The following GAB2 variants were observed in gnomAD, a reference collection of about 807,000 sequenced individuals.
The protein encoded by GAB2 is GRB2-associated-binding protein 2.
GAB2 carries 26 observed loss-of-function variants against 65.5 expected under a neutral mutation model. The observed-to-expected ratio is 0.40, with a 90% CI of 0.29 to 0.55. The LOEUF is 0.55. Ranked by LOEUF, GAB2 falls within the 20% of genes least tolerant of loss-of-function variation. The pLI, the probability that GAB2 is intolerant of heterozygous loss-of-function variation, is 0.53. For synonymous variants in GAB2, 321 were observed against 329.6 expected, an observed-to-expected ratio of 0.97 and a Z score of 0.28; for missense variants, 884 against 875.8, an observed-to-expected ratio of 1.01 and a Z score of -0.12.
At chr11:78,416,343 GCAA>G (rs1031149129) in intron 1 of GAB2, among the ~76,000 whole-genome samples, 3 of 152,060 alleles carry the variant, frequency 2.0e-5, no homozygotes, top group South Asian at 2.1e-4. Context: ...CTTGTACTCC[GCAA>G]CAACAACACT....
At chr11:78,339,926 C>T (rs1856065358) in intron 1 of GAB2, among the ~76,000 whole-genome samples, 1 of 152,244 alleles carries the variant, frequency 6.6e-6, no homozygotes. Context: ...GAACAATCAG[C>T]TCCAATGAAT....
At chr11:78,270,624 T>A (rs1325686956) in intron 2 of GAB2, among the ~76,000 whole-genome samples, 1 of 152,208 alleles carries the variant, frequency 6.6e-6, no homozygotes, top group Non-Finnish European at 1.5e-5. Context: ...CTATCTCACT[T>A]TGTTTCCTCA....
At chr11:78,345,333 T>C (rs1035533986) in intron 1 of GAB2, among the ~76,000 whole-genome samples, 1 of 152,064 alleles carries the variant, frequency 6.6e-6, no homozygotes, top group Non-Finnish European at 1.5e-5. Flanking sequence ...ACTGGGCAAA[T>C]AGATGAAACT....
chr11:78,227,471 G>T (rs1273910860), intron 3 of GAB2, among the ~76,000 whole-genome samples: 1 of 152,072 alleles, frequency 6.6e-6, no homozygotes, highest in African/African-American at 2.4e-5. Flanking sequence ...ACTAGCCCAT[G>T]GGTATTGATG....
chr11:78,370,023 C>G (rs1369028178), intron 1 of GAB2, among the ~76,000 whole-genome samples: 6 of 151,782 alleles, frequency 4.0e-5, no homozygotes, highest in Non-Finnish European at 7.4e-5. Context: ...TTTGGGAGGC[C>G]GAGGCGGGCG....
chr11:78,396,396 A>G (rs1856895156), intron 1 of GAB2, among the ~76,000 whole-genome samples: 1 of 152,252 alleles, frequency 6.6e-6, no homozygotes, highest in Admixed American at 6.5e-5. Context: ...GTTTTCATAT[A>G]TAATTGTGGG....
At chr11:78,350,514 C>CA (rs1484716099) in intron 1 of GAB2, among the ~76,000 whole-genome samples, 4 of 152,178 alleles carry the variant, frequency 2.6e-5, no homozygotes. Flanking sequence ...CCTCAGAAAC[C>CA]AAGTTTCACT....
intron 1 of GAB2, among the ~76,000 whole-genome samples, chr11:78,346,863 C>G (rs1856199053): frequency 6.6e-6 from 1 of 151,318 alleles, no homozygotes; most frequent in Admixed American, 6.6e-5. Context: ...CAGGGGAGCT[C>G]TCTCATGATT....
chr11:78,376,458 T>C (rs552828996), intron 1 of GAB2, among the ~76,000 whole-genome samples: 2 of 152,192 alleles, frequency 1.3e-5, no homozygotes, highest in African/African-American at 2.4e-5. Context: ...GATGAAAAAA[T>C]TGAGACACAG....
intron 2 of GAB2, among the ~76,000 whole-genome samples, chr11:78,254,810 A>G (rs1352506899): frequency 1.3e-5 from 2 of 151,468 alleles, no homozygotes; most frequent in African/African-American, 2.4e-5. Flanking sequence ...AAAAAAGAAA[A>G]AAGAAAAAAG....
chr11:78,315,506 C>CA (rs1331969993), intron 1 of GAB2, among the ~76,000 whole-genome samples: 6 of 152,080 alleles, frequency 3.9e-5, no homozygotes. Context: ...ATACCATATA[C>CA]AAAAATTAAC....
intron 2 of GAB2, among the ~76,000 whole-genome samples, chr11:78,269,349 G>T: frequency 6.6e-6 from 1 of 152,166 alleles, no homozygotes; most frequent in Non-Finnish European, 1.5e-5. Context: ...GGAGGAAAAG[G>T]CCCTCCCAGG....
intron 1 of GAB2, among the ~76,000 whole-genome samples, chr11:78,332,229 T>A (rs1220179756): frequency 6.6e-6 from 1 of 152,116 alleles, no homozygotes; most frequent in Admixed American, 6.5e-5. Context: ...GAAACTTACA[T>A]GAAAAGCAGG....
At chr11:78,285,758 C>T (rs1252124839) in intron 1 of GAB2, among the ~76,000 whole-genome samples, 1 of 152,210 alleles carries the variant, frequency 6.6e-6, no homozygotes, top group Admixed American at 6.5e-5. Context: ...TGAGCCACGG[C>T]ATGGGGCCCC....
chr11:78,310,577 G>GC (rs1855479449), intron 1 of GAB2, among the ~76,000 whole-genome samples: 1 of 151,888 alleles, frequency 6.6e-6, no homozygotes, highest in Non-Finnish European at 1.5e-5. Context: ...CGGGAACCAG[G>GC]CCCAGGCCCA....
chr11:78,225,264 T>TA, intron 4 of GAB2, 62 bp from the exon 5 acceptor site: 1 of 1,074,378 alleles, frequency 9.3e-7, no homozygotes, highest in East Asian at 2.4e-5. Flanking sequence ...CACTTACCCA[T>TA]ACCCTCACCA....
At position 78,216,377 on chromosome 11, in the gene GAB2, T is replaced by C. The variant is rs576289901; in HGVS notation, c.*2895A>G. 1 of 142,088 alleles carries C rather than the reference T, an allele frequency of 7.0e-6. No homozygotes were observed. Among genetic ancestry groups the C allele is most frequent in the African/African-American group, 3.1e-5 (1 of 31,840 alleles). The allele number at this position is 142,088 out of a possible 1,614,324, so 8.8% of individuals were successfully genotyped here. The stretch of plus-strand genomic sequence containing the variant: ...CCCAGGAGAGGTGGACTTTGACCCA[T>C]GGATAGGCCAAAGGACCAGTTTTTT... On this transcript the variant is annotated 3_prime_UTR_variant, in exon 10 of 10. Coordinates refer to ENST00000361507, the MANE Select transcript of GAB2 (RefSeq NM_080491.3).
intron 1 of GAB2, among the ~76,000 whole-genome samples, chr11:78,401,518 G>GTGTA (rs1856972759): frequency 6.8e-6 from 1 of 147,872 alleles, no homozygotes; most frequent in East Asian, 2.1e-4. Flanking sequence ...GTGTGTGTGT[G>GTGTA]TGTGTGTGTG....
At chr11:78,385,091 A>C (rs1276876809) in intron 1 of GAB2, among the ~76,000 whole-genome samples, 1 of 152,246 alleles carries the variant, frequency 6.6e-6, no homozygotes, top group Non-Finnish European at 1.5e-5. Flanking sequence ...TCTGCACCTG[A>C]AATACAAACA....
Sources: gnomAD v4.1 joint callset for allele counts (sites outside exome capture counted in the v4.1 genomes callset) on GRCh38, gnomAD v4.1.1 for gene constraint, MANE v1.5 for transcripts, NCBI Gene and HGNC (gene_info 2026-07-23, HGNC 2026-07-21) for gene names.